The following HS3ST3A1 variants were observed in gnomAD, a reference collection of about 807,000 sequenced individuals.
HS3ST3A1 encodes the protein heparan sulfate-glucosamine 3-sulfotransferase 3A1, also known as heparan sulfate glucosamine 3-O-sulfotransferase 3A1.
A neutral mutation model predicts 25.7 loss-of-function variants in HS3ST3A1; 19 were observed. The ratio of observed to expected loss-of-function variants is 0.74; its 90% CI spans 0.52 to 1.08. The LOEUF (loss-of-function observed/expected upper bound fraction) is 1.08. Ranked by LOEUF, HS3ST3A1 falls within the 50% of genes least tolerant of loss-of-function variation. HS3ST3A1 has a pLI of 0.00. For missense variants in HS3ST3A1, 459 were observed against 594.3 expected, an observed-to-expected ratio of 0.77 and a Z score of 2.37; for synonymous variants, 226 against 278.6, an observed-to-expected ratio of 0.81 and a Z score of 1.88.
At chr17:13,525,532 AC>A (rs1598414058) in intron 1 of HS3ST3A1, among the ~76,000 whole-genome samples, 1 of 152,130 alleles carries the variant, frequency 6.6e-6, no homozygotes, top group African/African-American at 2.4e-5. Context: ...CACTTTCATT[AC>A]TTTTGCATGA....
chr17:13,508,331 G>A (rs1294395512), intron 1 of HS3ST3A1, among the ~76,000 whole-genome samples: 1 of 152,176 alleles, frequency 6.6e-6, no homozygotes, highest in African/African-American at 2.4e-5. Flanking sequence ...AAAACTCAAG[G>A]ACTCTTGATC....
chr17:13,565,717 C>A (rs573950799), intron 1 of HS3ST3A1, among the ~76,000 whole-genome samples: 5 of 152,260 alleles, frequency 3.3e-5, no homozygotes, highest in African/African-American at 9.6e-5. Flanking sequence ...CTTCTCGGCT[C>A]ACCCTTGCTT....
At chr17:13,559,767 T>C (rs900862926) in intron 1 of HS3ST3A1, among the ~76,000 whole-genome samples, 11 of 151,972 alleles carry the variant, frequency 7.2e-5, no homozygotes, top group Admixed American at 1.3e-4. Context: ...AAGCACAGGC[T>C]ATCCCTAAGG....
At chr17:13,506,932 G>A (rs1905699885) in intron 1 of HS3ST3A1, among the ~76,000 whole-genome samples, 1 of 151,618 alleles carries the variant, frequency 6.6e-6, no homozygotes, top group Non-Finnish European at 1.5e-5. Context: ...AGCCAGGCCT[G>A]GGGGTGGAGC....
rs956230538 is a variant in HS3ST3A1, at chr17:13,497,538, C to T, written c.600-720G>A. On this transcript the variant is annotated intron_variant, in intron 1 of 1. Transcript: ENST00000284110. The stretch of plus-strand genomic sequence containing the variant: ...TGATGATTCTGGTCCGTTTATTCCT[C>T]CTGACAAATGAGATATCACTTTATC... Among the ~76,000 whole-genome samples the T allele has an allele frequency of 7.2e-5, 11 of 152,180 alleles. 1 individual carries two copies. Among genetic ancestry groups the T allele is most frequent in the African/African-American group, 2.7e-4 (11 of 41,438 alleles).
chr17:13,521,601 T>C lies in HS3ST3A1; in HGVS notation c.600-24783A>G, dbSNP rs1906242571. On this transcript the variant is annotated intron_variant, in intron 1 of 1. Transcript: ENST00000284110. ...ACGTTTAACCTCAACGTGCCCTGCA[T>C]GGCCTTCAAGGTCTCACAAGTTGAT... Among the ~76,000 whole-genome samples, 2 of 152,208 alleles carry C rather than the reference T, an allele frequency of 1.3e-5. 1 individual carries two copies. Among genetic ancestry groups the C allele is most frequent in the African/African-American group, 4.8e-5 (2 of 41,438 alleles).
rs1288561818 is a variant in HS3ST3A1, at chr17:13,596,413, G to A, written c.599+4118C>T. 9.3e-5 allele frequency among the ~76,000 whole-genome samples: 6 copies of A among 64,740 alleles called. No homozygotes were observed. The Admixed American group carries it at 1.1e-3, about 12-fold the overall frequency. The allele number at this position is 64,740 out of a possible 152,430, so 42.5% of individuals were successfully genotyped here. On this transcript the variant is annotated intron_variant, in intron 1 of 1. Transcript: ENST00000284110. ...CTCCCGCATGTGTGAGGGTGTGCGC[G>A]TGCGTACACACACACACACACACAC...
At chr17:13,526,474 T>TATATA (rs1906425775) in intron 1 of HS3ST3A1, among the ~76,000 whole-genome samples, 2,133 of 76,210 alleles carry the variant, frequency 0.028, 221 homozygotes, top group Admixed American at 0.037. Context: ...ACTTTAATTT[T>TATATA]TATATATATA....
Position 13,582,423 on chromosome 17 carries a change from G to A in HS3ST3A1, c.599+18108C>T, listed in dbSNP as rs982092275. 3.9e-5 allele frequency among the ~76,000 whole-genome samples: 6 copies of A among 152,128 alleles called. No individual in the cohort carries two copies. In the East Asian group the frequency reaches 7.7e-4, roughly 20 times the overall value. On this transcript the variant is annotated intron_variant, in intron 1 of 1. Coordinates refer to ENST00000284110, the MANE Select transcript of HS3ST3A1 (RefSeq NM_006042.3). ...GTTTAAAAGGGCAATAATTTTGCCC[G>A]AACCTTTACAACTGTGCTAGTATAC...
At chr17:13,514,835 A>G (rs1003067669) in intron 1 of HS3ST3A1, among the ~76,000 whole-genome samples, 6 of 152,376 alleles carry the variant, frequency 3.9e-5, no homozygotes, top group Admixed American at 2.0e-4. Flanking sequence ...GATTTCATAG[A>G]GTTGTCTTCC....
At chr17:13,529,491 C>T (rs1183702427) in intron 1 of HS3ST3A1, among the ~76,000 whole-genome samples, 1 of 152,118 alleles carries the variant, frequency 6.6e-6, no homozygotes, top group African/African-American at 2.4e-5. Context: ...CCAAGAAACA[C>T]AGAGTCCTGT....
At chr17:13,525,817 C>G (rs1906396651) in intron 1 of HS3ST3A1, among the ~76,000 whole-genome samples, 1 of 152,004 alleles carries the variant, frequency 6.6e-6, no homozygotes, top group Non-Finnish European at 1.5e-5. Context: ...TTCTGAGTGC[C>G]TGTTGAAATC....
At chr17:13,565,217 C>T (rs1907647633) in intron 1 of HS3ST3A1, among the ~76,000 whole-genome samples, 1 of 152,050 alleles carries the variant, frequency 6.6e-6, no homozygotes, top group South Asian at 2.1e-4. Context: ...ATTACTATTG[C>T]AATCCTTCTC....
intron 1 of HS3ST3A1, among the ~76,000 whole-genome samples, chr17:13,517,058 A>G (rs1003485365): frequency 6.6e-6 from 1 of 152,220 alleles, no homozygotes; most frequent in Non-Finnish European, 1.5e-5. Flanking sequence ...AGTGTATGTA[A>G]AAGTGTGGAA....
In HS3ST3A1 at chr17:13,496,079, T is replaced by C. The variant is rs958996872; in HGVS notation, c.*118A>G. ...CGGGAGTGAGAACAATCTCTTAACATTCATTGAAAAAAATACTGAAACATA... is the reference window on the plus strand; with the variant it reads ...CGGGAGTGAGAACAATCTCTTAACACTCATTGAAAAAAATACTGAAACATA... On this transcript the variant is annotated 3_prime_UTR_variant, in exon 2 of 2. Transcript: ENST00000284110. 1.6e-6 allele frequency: 2 copies of C among 1,236,972 alleles called. No homozygotes were observed. Among genetic ancestry groups the C allele is most frequent in the Non-Finnish European group, 2.2e-6 (2 of 920,092 alleles). The allele number at this position is 1,236,972 out of a possible 1,614,324, so 76.6% of individuals were successfully genotyped here. A position where few individuals can be genotyped will look rare whatever the true frequency, so the allele number is the denominator to read the frequency against.
At chr17:13,599,624 C>A (rs1479929617) in intron 1 of HS3ST3A1, among the ~76,000 whole-genome samples, 1 of 152,028 alleles carries the variant, frequency 6.6e-6, no homozygotes, top group Non-Finnish European at 1.5e-5. Flanking sequence ...CAAACAAAAT[C>A]CAGGCGACAC....
intron 1 of HS3ST3A1, among the ~76,000 whole-genome samples, chr17:13,546,385 C>T (rs1709059895): frequency 1.3e-5 from 2 of 152,116 alleles, no homozygotes; most frequent in South Asian, 4.1e-4. Context: ...CCTGCCTCAG[C>T]CTCTCGAGAA....
At chr17:13,552,633 T>C (rs1347093366) in intron 1 of HS3ST3A1, among the ~76,000 whole-genome samples, 1 of 152,190 alleles carries the variant, frequency 6.6e-6, no homozygotes, top group African/African-American at 2.4e-5. Context: ...AAATACGTCT[T>C]TCTCCAGAAC....
Position 13,494,506 on chromosome 17 carries a change from C to G in HS3ST3A1, c.*1691G>C, listed in dbSNP as rs1028561818. 3.3e-5 allele frequency among the ~76,000 whole-genome samples: 5 copies of G among 152,122 alleles called. No individual in the cohort carries two copies. The highest frequency in any genetic ancestry group is 7.4e-5 in the Non-Finnish European group (5 of 68,002). ...TACAATTGTACTGCATATTTTAAAA[C>G]AACTTTAGTTTCTTTTGATTGACAA... On this transcript the variant is annotated 3_prime_UTR_variant, in exon 2 of 2. Coordinates refer to ENST00000284110, the MANE Select transcript of HS3ST3A1 (RefSeq NM_006042.3).
Sources: allele counts gnomAD v4.1 joint callset (sites outside exome capture counted in the v4.1 genomes callset), GRCh38; gene constraint gnomAD v4.1.1; transcripts MANE v1.5; gene names NCBI Gene and HGNC (gene_info 2026-07-23, HGNC 2026-07-21).